The following OPA1 variants were observed in gnomAD, a reference collection of about 807,000 sequenced individuals.
OPA1 encodes dynamin-like GTPase OPA1, mitochondrial.
Under a neutral mutation model 152.9 loss-of-function variants are expected in OPA1, and 59 were observed. That is an observed-to-expected ratio of 0.39 (90% CI 0.31 to 0.48). The LOEUF (loss-of-function observed/expected upper bound fraction) is 0.48, where lower values mean the gene tolerates loss of function less well. Among genes scored for constraint, OPA1 ranks in the 20% least tolerant of loss-of-function variants. OPA1 has a pLI of 0.96. For synonymous variants in OPA1, 400 were observed against 389.9 expected (o/e 1.03, Z -0.31); for missense variants, 1,008 against 1,216.8 (o/e 0.83, Z 2.55).
chr3:193,689,214 TGTGAAA>T (rs1261402174), intron 29 of OPA1: 2 of 152,200 alleles, frequency 1.3e-5, no homozygotes, highest in Non-Finnish European at 2.9e-5. Flanking sequence ...TGAAGTACAT[TGTGAAA>T]GTGAAAGAAC....
intron 30 of OPA1, among the ~76,000 whole-genome samples, chr3:193,692,424 TA>T (rs1196261026): frequency 6.6e-6 from 1 of 152,236 alleles, no homozygotes; most frequent in Non-Finnish European, 1.5e-5. Flanking sequence ...TTTCTAGGTG[TA>T]AAGAATTGAG....
At chr3:193,627,482 T>C (rs1731347463) in intron 7 of OPA1, 1 of 152,208 alleles carries the variant, frequency 6.6e-6, no homozygotes, top group South Asian at 2.1e-4. Context: ...ATTGGATGCT[T>C]AGGCTGAGCC....
chr3:193,608,049 T>C (rs1012896047), intron 1 of OPA1, among the ~76,000 whole-genome samples: 2 of 152,214 alleles, frequency 1.3e-5, no homozygotes, highest in Non-Finnish European at 2.9e-5. Flanking sequence ...CACTCATGAT[T>C]TGGCTCTCTG....
chr3:193,648,325 A>C (rs940929123), intron 20 of OPA1, 191 bp downstream of exon 20: 3 of 513,376 alleles, frequency 5.8e-6, no homozygotes, highest in African/African-American at 5.8e-5. Context: ...ATATAACATT[A>C]AAAATGGATT....
chr3:193,615,767 T>C lies in OPA1; in HGVS notation c.445T>C (p.Phe149Leu). The C allele has an allele frequency of 6.3e-7, 1 of 1,595,402 alleles. No homozygotes were observed. Among genetic ancestry groups the C allele is most frequent in the Admixed American group, 1.7e-5 (1 of 60,000 alleles). Residue 149 changes from phenylalanine to leucine, a missense_variant, in exon 3 of 31, where the codon TTT (phenylalanine) becomes CTT (leucine). Physicochemically the swap from Phe to Leu is conservative, Grantham distance 22. This residue lies in a region of OPA1 where 408 missense variants were observed against 395.1 expected (regional missense o/e 1.03). Coordinates refer to ENST00000361510, the MANE Select transcript of OPA1 (RefSeq NM_130837.3). Reference protein sequence around the residue: ...IVWEIDEYIDFEKIRKALPSS... With the variant: ...IVWEIDEYIDLEKIRKALPSS... ...GTGGGAAATTGATGAGTATATCGAT[T>C]TTGGTTTGTATCATGAACATTAAAA...
At chr3:193,638,619 G>C (rs1484962161) in intron 11 of OPA1, among the ~76,000 whole-genome samples, 1 of 152,162 alleles carries the variant, frequency 6.6e-6, no homozygotes, top group African/African-American at 2.4e-5. Context: ...ACTAACATCA[G>C]AATCGTCCCA....
rs115569671 is a variant in OPA1, at chr3:193,646,065, A to G, written c.1754+265A>G. On this transcript the variant is annotated intron_variant, in intron 18 of 30. Coordinates refer to ENST00000361510, the MANE Select transcript of OPA1 (RefSeq NM_130837.3). The stretch of plus-strand genomic sequence containing the variant: ...AAGACAACATAGATATCTGCCTCTT[A>G]CTTTATTTTACTTATAAAGTGGTTT... 0.23 allele frequency among the ~76,000 whole-genome samples: 32,336 copies of G among 143,706 alleles called. 3,551 individuals carry two copies. Among genetic ancestry groups the G allele is most frequent in the South Asian group, 0.3 (1,400 of 4,742 alleles). 94.3% of individuals were successfully genotyped at this position (143,706 alleles called of 152,430 possible).
chr3:193,694,564 T>C (rs1011493105), intron 30 of OPA1, 42 bp from the exon 31 acceptor site: 1 of 152,234 alleles, frequency 6.6e-6, no homozygotes, highest in African/African-American at 2.4e-5. Context: ...TTTGCATTTA[T>C]CTCCCCTGAC....
Position 193,688,449 on chromosome 3 carries a change from C to CTTTTTTTT in OPA1, c.2984-3574_2984-3567dup, listed in dbSNP as rs766448341. On this transcript the variant is annotated intron_variant, in intron 29 of 30. Coordinates refer to ENST00000361510, the MANE Select transcript of OPA1 (RefSeq NM_130837.3). ...TGATTTTTACTGAAATGGGTCTTTT[C>CTTTTTTTT]TTTTTTTTTTTTTTTTTTTTTTTTT... Among the ~76,000 whole-genome samples, 76 of 63,316 alleles carry CTTTTTTTT rather than the reference C, an allele frequency of 1.2e-3. 11 individuals are homozygous for CTTTTTTTT. Among genetic ancestry groups the CTTTTTTTT allele is most frequent in the Non-Finnish European group, 1.8e-3 (54 of 30,278 alleles). 41.5% of individuals were successfully genotyped at this position (63,316 alleles called of 152,430 possible). A position where few individuals can be genotyped will look rare whatever the true frequency, so the allele number is the denominator to read the frequency against.
intron 21 of OPA1, among the ~76,000 whole-genome samples, chr3:193,652,798 TGAAAG>T (rs2109118161): frequency 6.6e-6 from 1 of 152,164 alleles, no homozygotes; most frequent in African/African-American, 2.4e-5. Flanking sequence ...AGCTTGGCGA[TGAAAG>T]GCAGGAGAGG....
chr3:193,618,985 T>C, intron 6 of OPA1, 49 bp downstream of exon 6: 1 of 1,446,242 alleles, frequency 6.9e-7, no homozygotes. Flanking sequence ...AAAGATTTTT[T>C]AAAGTTTTTA....
At chr3:193,596,332 TTTC>T (rs1725517449) in intron 1 of OPA1, among the ~76,000 whole-genome samples, 1 of 134,192 alleles carries the variant, frequency 7.5e-6, no homozygotes, top group Non-Finnish European at 1.6e-5. Context: ...TTTCCTTTCC[TTTC>T]CTTTTCTTTT....
intron 6 of OPA1, 83 bp from the exon 7 acceptor site, chr3:193,626,009 A>G (rs1560345287): frequency 1.0e-6 from 1 of 1,001,858 alleles, no homozygotes; most frequent in East Asian, 2.4e-5. Context: ...TCCCTAGCTT[A>G]CATCTGTTCC....
In OPA1 at chr3:193,668,897, G is replaced by A. The variant is rs183747711; in HGVS notation, c.2983+1617G>A. ...TCAAGGAAATCAGTGAAACATTATT[G>A]TTATTAAATAAAAATAAAATACCTG... On this transcript the variant is annotated intron_variant, in intron 29 of 30. Transcript: ENST00000361510. The A allele has an allele frequency of 1.7e-4, 167 of 1,008,234 alleles. No homozygotes were observed. The Middle Eastern group carries it at 3.0e-3, about 18-fold the overall frequency. 62.5% of individuals were successfully genotyped at this position (1,008,234 alleles called of 1,614,324 possible). A position where few individuals can be genotyped will look rare whatever the true frequency, so the allele number is the denominator to read the frequency against.
intron 20 of OPA1, chr3:193,648,502 TTACTGATG>T: frequency 2.6e-6 from 1 of 391,636 alleles, no homozygotes; most frequent in Non-Finnish European, 4.7e-6. Context: ...TAATATATAG[TTACTGATG>T]TACTAAATTA....
At position 193,644,031 on chromosome 3, in the gene OPA1, C is replaced by A. The variant is rs1734170804; in HGVS notation, c.1534C>A (p.Pro512Thr). The A allele has an allele frequency of 6.2e-7, 1 of 1,613,520 alleles. No homozygotes were observed. Among genetic ancestry groups the A allele is most frequent in the Non-Finnish European group, 8.5e-7 (1 of 1,179,790 alleles). ...IVTDLVSQMD[P>T]HGRRTIFVLT... ...TACAGACTTGGTCAGTCAAATGGAC[C>A]CTCATGGAAGGAGAACCATATTCGT... Residue 512 changes from proline (P) to threonine (T), a missense_variant, in exon 16 of 31, where the codon CCT becomes ACT. Coordinates refer to ENST00000361510, the MANE Select transcript of OPA1 (RefSeq NM_130837.3).
chr3:193,594,107 A>G (rs1461164521), intron 1 of OPA1, among the ~76,000 whole-genome samples: 1 of 152,194 alleles, frequency 6.6e-6, no homozygotes, highest in Non-Finnish European at 1.5e-5. Flanking sequence ...AATTCTAAAT[A>G]GAAAATCATA....
chr3:193,657,159 ATAAACT>A lies in OPA1; in HGVS notation c.2263_2268del (p.Leu755_Lys756del), dbSNP rs755591067. On this transcript the variant is annotated inframe_deletion, in exon 23 of 31. Coordinates refer to ENST00000361510, the MANE Select transcript of OPA1 (RefSeq NM_130837.3). ...GGGAAAGAGCATGATGACATATTTG[ATAAACT>A]TAAAGAGGCTGTTAAGGAAGAAAGT... is the stretch of plus-strand genomic sequence containing the variant. 10 of 1,613,828 alleles carry A rather than the reference ATAAACT, an allele frequency of 6.2e-6. No homozygotes were observed. The highest frequency in any genetic ancestry group is 3.4e-6 in the Non-Finnish European group (4 of 1,179,902).
chr3:193,593,679 T>C (rs1427901693), intron 1 of OPA1, among the ~76,000 whole-genome samples: 4 of 152,182 alleles, frequency 2.6e-5, no homozygotes, highest in Non-Finnish European at 4.4e-5. Context: ...TATTGTCCTT[T>C]TGTCTCTGCC....
Sources: allele counts gnomAD v4.1 joint callset (sites outside exome capture counted in the v4.1 genomes callset), GRCh38; gene constraint gnomAD v4.1.1; regional missense constraint gnomAD v4.1.1; transcripts MANE v1.5; gene names NCBI Gene and HGNC (gene_info 2026-07-23, HGNC 2026-07-21).